Variants in EML1 observed in about 807,000 individuals in gnomAD.
EML1 encodes the protein EMAP like 1.
In EML1, 27 loss-of-function variants were observed where a neutral mutation model predicts 110.4. The observed-to-expected ratio is 0.24, with a 90% CI of 0.18 to 0.34. The LOEUF (loss-of-function observed/expected upper bound fraction) is 0.34, where lower values mean the gene tolerates loss of function less well. Ranked by LOEUF, EML1 falls within the 10% of genes least tolerant of loss-of-function variation. The pLI, the probability that EML1 is intolerant of heterozygous loss-of-function variation, is 1.00. For synonymous variants in EML1, 344 were observed against 385.8 expected, an observed-to-expected ratio of 0.89 and a Z score of 1.27; for missense variants, 741 against 1,030.9, an observed-to-expected ratio of 0.72 and a Z score of 3.85.
chr14:99,768,582 C>T (rs1265165150), upstream of EML1, among the ~76,000 whole-genome samples: 1 of 152,102 alleles, frequency 6.6e-6, no homozygotes, highest in Non-Finnish European at 1.5e-5. Context: ...CAGGAGTGGC[C>T]ATCTCTGTGA....
chr14:99,911,188 TGCTTCAACCATGCG>T (rs2059939923), intron 12 of EML1, among the ~76,000 whole-genome samples: 1 of 152,132 alleles, frequency 6.6e-6, no homozygotes, highest in South Asian at 2.1e-4. Flanking sequence ...AGCCGCGTGG[TGCTTCAACCATGCG>T]GCTTCAACAA....
intron 1 of EML1, among the ~76,000 whole-genome samples, chr14:99,785,610 C>T (rs1456151655): frequency 6.6e-6 from 1 of 152,084 alleles, no homozygotes; most frequent in Admixed American, 6.6e-5. Flanking sequence ...ACAGATGATA[C>T]GTTTGATATT....
At chr14:99,855,668 C>T (rs11625788) in intron 2 of EML1, among the ~76,000 whole-genome samples, 38,113 of 152,108 alleles carry the variant, frequency 0.25, 5,224 homozygotes, top group Non-Finnish European at 0.3. Flanking sequence ...GGCAGCTTCC[C>T]TTTTAAAGTA....
intron 7 of EML1, among the ~76,000 whole-genome samples, chr14:99,897,903 G>A (rs980002817): frequency 6.6e-6 from 1 of 152,112 alleles, no homozygotes; most frequent in Non-Finnish European, 1.5e-5. Flanking sequence ...ACGAAAGATG[G>A]TATCTTTCCT....
At chr14:99,867,308 A>G (rs1252437056) in intron 3 of EML1, among the ~76,000 whole-genome samples, 1 of 152,150 alleles carries the variant, frequency 6.6e-6, no homozygotes. Flanking sequence ...TTGGCTATTT[A>G]GGGTCCCTTG....
chr14:99,889,458 T>C (rs1340654338), intron 4 of EML1, among the ~76,000 whole-genome samples: 2 of 152,126 alleles, frequency 1.3e-5, no homozygotes, highest in Non-Finnish European at 2.9e-5. Flanking sequence ...CCCTGTGGAA[T>C]TGCCTCCTGG....
chr14:99,821,023 C>CTTTT (rs869159128), intron 1 of EML1, among the ~76,000 whole-genome samples: 8 of 133,868 alleles, frequency 6.0e-5, no homozygotes, highest in African/African-American at 2.0e-4. Flanking sequence ...CTTACATTTA[C>CTTTT]TTTTTTTTTT....
rs1399026729 is a variant in EML1 at position 99,752,412 on chromosome 14, AAAC to A, written c.28+14559_28+14561del. Among the ~76,000 whole-genome samples the A allele has an allele frequency of 2.6e-5, 4 of 152,346 alleles. No homozygotes were observed. In the East Asian group the frequency reaches 7.7e-4, roughly 29 times the overall value. On this transcript the variant is annotated intron_variant, in intron 1 of 10. Coordinates refer to the EML1 transcript ENST00000554479. ...GTCCAGCTGAATTTGAATTTCAGAT[AAAC>A]AACAACTGTTTTGTGGAAGTGGAAG...
At chr14:99,817,014 A>T (rs2058179170) in intron 1 of EML1, among the ~76,000 whole-genome samples, 1 of 152,024 alleles carries the variant, frequency 6.6e-6, no homozygotes, top group African/African-American at 2.4e-5. Context: ...GTTAATATCA[A>T]CCCCCAATGT....
rs10149882 is a variant in EML1 at position 99,905,675 on chromosome 14, A to T, written c.1009-1963A>T. 0.56 allele frequency among the ~76,000 whole-genome samples: 84,803 copies of T among 152,046 alleles called. 24,095 individuals are homozygous for T. The highest frequency in any genetic ancestry group is 0.67 in the African/African-American group (27,809 of 41,498). ...CATCAGCAAAGAGTGCAAGGCAGAT[A>T]AACCCAAAGATGATAATAGCAGTTA... On this transcript the variant is annotated intron_variant, in intron 9 of 21. Transcript: ENST00000262233. The surrounding 1 kb of genome is among the most constrained non-coding windows in gnomAD (Gnocchi z 4.1).
Position 99,738,239 on chromosome 14 carries a change from G to A in EML1, c.28+379G>A, listed in dbSNP as rs549381871. ...AGACGAGTGTGTGTGAACACTTAACGGCGGGGGAGAGCACACAGCTTCCGT... is the reference window on the plus strand; with the variant it reads ...AGACGAGTGTGTGTGAACACTTAACAGCGGGGGAGAGCACACAGCTTCCGT... On this transcript the variant is annotated intron_variant, in intron 1 of 10. Transcript: ENST00000554479. Among the ~76,000 whole-genome samples, 76 of 152,324 alleles carry A rather than the reference G, an allele frequency of 5.0e-4. 1 individual carries two copies. The South Asian group carries it at 5.4e-3, about 11-fold the overall frequency.
At chr14:99,752,631 T>C (rs1012267893) in intron 1 of EML1, among the ~76,000 whole-genome samples, 2 of 152,120 alleles carry the variant, frequency 1.3e-5, no homozygotes, top group African/African-American at 2.4e-5. Context: ...AGTGCCTGCC[T>C]TGGGGCTTGG....
chr14:99,932,881 G>A (rs1163041639), intron 17 of EML1, among the ~76,000 whole-genome samples: 2 of 152,114 alleles, frequency 1.3e-5, no homozygotes, highest in African/African-American at 4.8e-5. Flanking sequence ...CACTTTGGGA[G>A]GCCAAGGATG....
chr14:99,882,301 G>C lies in EML1; in HGVS notation c.518+3682G>C, dbSNP rs146296581. Among the ~76,000 whole-genome samples the C allele has an allele frequency of 4.0e-3, 610 of 152,296 alleles. 6 individuals carry two copies. The highest frequency in any genetic ancestry group is 0.014 in the African/African-American group (590 of 41,564). On this transcript the variant is annotated intron_variant, in intron 4 of 21. Transcript: ENST00000262233. ...TCAATTAAAAAAGTATTTTATACCTGATAGAAAATTGGCTGCTTATTTAGA... is the reference window on the plus strand; with the variant it reads ...TCAATTAAAAAAGTATTTTATACCTCATAGAAAATTGGCTGCTTATTTAGA...
chr14:99,925,275 CT>C (rs972066503), intron 17 of EML1, among the ~76,000 whole-genome samples: 219 of 135,998 alleles, frequency 1.6e-3, no homozygotes, highest in East Asian at 2.1e-3. Context: ...TTTCTTTTTT[CT>C]TTTTTTTTTT....
At chr14:99,788,806 A>G (rs2057628206), upstream of EML1, among the ~76,000 whole-genome samples, 1 of 152,028 alleles carries the variant, frequency 6.6e-6, no homozygotes, top group Non-Finnish European at 1.5e-5. Flanking sequence ...CCCATTAAGC[A>G]CTCACTTACT....
At chr14:99,869,940 T>A (rs1292629473) in intron 3 of EML1, among the ~76,000 whole-genome samples, 1 of 152,234 alleles carries the variant, frequency 6.6e-6, no homozygotes, top group Non-Finnish European at 1.5e-5. Context: ...GGTGCCATGC[T>A]TCCTGGACAG....
upstream of EML1, among the ~76,000 whole-genome samples, chr14:99,769,235 G>T (rs147064347): frequency 6.6e-6 from 1 of 152,136 alleles, no homozygotes; most frequent in Non-Finnish European, 1.5e-5. Flanking sequence ...CCATCTCCTC[G>T]GTCAAGTCAG....
chr14:99,793,203 G>A, upstream of EML1: 1 of 383,312 alleles, frequency 2.6e-6, no homozygotes, highest in Non-Finnish European at 3.5e-6. Flanking sequence ...GGCCGCAGGC[G>A]CGGGGAGGCT....
Sources: allele counts gnomAD v4.1 joint callset (sites outside exome capture counted in the v4.1 genomes callset), GRCh38; gene constraint gnomAD v4.1.1; non-coding constraint Gnocchi (gnomAD v3.1); transcripts MANE v1.5; gene names NCBI Gene and HGNC (gene_info 2026-07-23, HGNC 2026-07-21).